Variants in CNTN1 observed in about 807,000 individuals in gnomAD.
The protein encoded by CNTN1 is contactin 1.
In CNTN1, 38 loss-of-function variants were observed where a neutral mutation model predicts 126.4. The ratio of observed to expected loss-of-function variants is 0.30; its 90% CI spans 0.23 to 0.39. The LOEUF (loss-of-function observed/expected upper bound fraction) is 0.39, where lower values mean the gene tolerates loss of function less well. Among genes scored for constraint, CNTN1 ranks in the 10% least tolerant of loss-of-function variants. The pLI is 1.00. For synonymous variants in CNTN1, 413 were observed against 422.6 expected (o/e 0.98, Z 0.28); for missense variants, 1,009 against 1,248.4 (o/e 0.81, Z 2.89).
chr12:40,813,652 C>T (rs1249829480), intron 1 of CNTN1, among the ~76,000 whole-genome samples: 1 of 152,186 alleles, frequency 6.6e-6, no homozygotes, highest in East Asian at 1.9e-4. Context: ...CTGCAATAAA[C>T]ATACATTTGC....
chr12:40,924,595 A>C lies in CNTN1; in HGVS notation c.439A>C (p.Arg147=), dbSNP rs1945569787. 1 of 1,608,304 alleles carries C rather than the reference A, an allele frequency of 6.2e-7. No homozygotes were observed. The highest frequency in any genetic ancestry group is 8.5e-7 in the Non-Finnish European group (1 of 1,175,248). The part of the protein sequence containing the change: ...PFPPEERPEV[R]VKEGKGMVLL... ...CCCACCTGAGGAACGTCCTGAGGTC[A>C]GAGTAAAAGAAGGGAAAGGAATGGT... is the stretch of plus-strand genomic sequence containing the variant. The change falls in exon 6 of 24, where the codon AGA becomes CGA. Residue 147 remains arginine (R), a synonymous_variant. Transcript: ENST00000551295.
chr12:41,069,543 G>T (rs943663110), intron 23 of CNTN1, among the ~76,000 whole-genome samples: 5 of 151,760 alleles, frequency 3.3e-5, no homozygotes, highest in African/African-American at 1.2e-4. Flanking sequence ...CCATTAACTC[G>T]TCATTTAGCA....
intron 1 of CNTN1, among the ~76,000 whole-genome samples, chr12:40,838,769 AG>A (rs1337859422): frequency 1.3e-5 from 2 of 152,184 alleles, no homozygotes; most frequent in Non-Finnish European, 2.9e-5. Flanking sequence ...CCTTAGGAAA[AG>A]TTCTCCCCTA....
chr12:41,064,635 T>C (rs1950011529), intron 23 of CNTN1, among the ~76,000 whole-genome samples: 1 of 152,104 alleles, frequency 6.6e-6, no homozygotes, highest in South Asian at 2.1e-4. Flanking sequence ...GGTGCCAGCA[T>C]GAAAATAGAG....
At chr12:40,916,638 G>T (rs1318306966) in intron 3 of CNTN1, among the ~76,000 whole-genome samples, 1 of 152,040 alleles carries the variant, frequency 6.6e-6, no homozygotes, top group Non-Finnish European at 1.5e-5. Flanking sequence ...CCTCAAGAAG[G>T]ATATGGAACT....
intron 1 of CNTN1, among the ~76,000 whole-genome samples, chr12:40,772,938 GT>G (rs1233420804): frequency 1.3e-5 from 2 of 151,870 alleles, no homozygotes; most frequent in African/African-American, 4.8e-5. Context: ...TCAAGCTCAG[GT>G]AAGTGGAAAA....
Position 41,007,867 on chromosome 12 carries a change from C to G in CNTN1, c.2114-6361C>G, listed in dbSNP as rs143598111. Among the ~76,000 whole-genome samples the G allele has an allele frequency of 6.2e-4, 95 of 152,308 alleles. 1 individual carries two copies. In the East Asian group the frequency reaches 0.017, roughly 27 times the overall value. On this transcript the variant is annotated intron_variant, in intron 17 of 23. Transcript: ENST00000551295. ...GCCAGCATTCACCCATGCAAGCTCC[C>G]AGCTTGCTTGTTTATGTCTGCAGCT... is the stretch of plus-strand genomic sequence containing the variant.
chr12:40,881,328 T>C (rs566357420), intron 1 of CNTN1, among the ~76,000 whole-genome samples: 5 of 151,972 alleles, frequency 3.3e-5, no homozygotes, highest in African/African-American at 1.2e-4. Flanking sequence ...ATACATAAAC[T>C]GGAATGGAAA....
chr12:40,914,502 A>C (rs1349478279), intron 3 of CNTN1, among the ~76,000 whole-genome samples: 1 of 152,170 alleles, frequency 6.6e-6, no homozygotes, highest in Non-Finnish European at 1.5e-5. Flanking sequence ...AAAATACATT[A>C]TGTGACTCAG....
chr12:40,964,514 C>T (rs1271498178), intron 15 of CNTN1, among the ~76,000 whole-genome samples: 1 of 127,808 alleles, frequency 7.8e-6, no homozygotes, highest in African/African-American at 3.1e-5. Flanking sequence ...GGTGAAAACA[C>T]CGTGTAAGTG....
chr12:40,936,537 C>T (rs1946086375), intron 9 of CNTN1, among the ~76,000 whole-genome samples: 1 of 152,002 alleles, frequency 6.6e-6, no homozygotes, highest in African/African-American at 2.4e-5. Context: ...CTCAGCTTTT[C>T]AACAAAACAT....
In CNTN1 at chr12:41,071,321, G is replaced by A. The variant is rs1336539814; in HGVS notation, c.*1286G>A. The A allele has an allele frequency of 2.0e-5, 3 of 152,140 alleles. No homozygotes were observed. Among genetic ancestry groups the A allele is most frequent in the Admixed American group, 6.6e-5 (1 of 15,264 alleles). The allele number at this position is 152,140 out of a possible 1,614,324, so 9.4% of individuals were successfully genotyped here. Reference sequence around the variant, plus strand: ...TGCACATTTCTTCATTCTCCATGGTGTGCATGGAAATGTGTTTGAGTGTGG... The same window carrying A: ...TGCACATTTCTTCATTCTCCATGGTATGCATGGAAATGTGTTTGAGTGTGG... On this transcript the variant is annotated 3_prime_UTR_variant, in exon 24 of 24. Transcript: ENST00000551295.
At chr12:40,864,059 T>C (rs1255222149) in intron 1 of CNTN1, among the ~76,000 whole-genome samples, 1 of 145,614 alleles carries the variant, frequency 6.9e-6, no homozygotes, top group African/African-American at 2.5e-5. Flanking sequence ...TTGCTCTTGT[T>C]GCCCAGGCTG....
At chr12:40,979,713 A>G (rs1308121539) in intron 15 of CNTN1, among the ~76,000 whole-genome samples, 1 of 152,034 alleles carries the variant, frequency 6.6e-6, no homozygotes, top group Non-Finnish European at 1.5e-5. Context: ...CACTTAAAGG[A>G]CATTTTTCTC....
intron 1 of CNTN1, among the ~76,000 whole-genome samples, chr12:40,843,253 T>A (rs1254429220): frequency 6.6e-6 from 1 of 152,140 alleles, no homozygotes; most frequent in Non-Finnish European, 1.5e-5. Flanking sequence ...CCAGTTCAGG[T>A]GATAAAGCAT....
chr12:40,754,214 T>C (rs1009382160), intron 1 of CNTN1, among the ~76,000 whole-genome samples: 82 of 152,122 alleles, frequency 5.4e-4, no homozygotes, highest in African/African-American at 1.9e-3. Flanking sequence ...TACATTATTA[T>C]ATATTGGCAA....
intron 1 of CNTN1, among the ~76,000 whole-genome samples, chr12:40,696,217 C>T (rs574898325): frequency 6.6e-6 from 1 of 152,312 alleles, no homozygotes; most frequent in African/African-American, 2.4e-5. Context: ...TTTTCCCCAT[C>T]AATAGGCATC....
chr12:41,027,431 C>T (rs1192360175), intron 21 of CNTN1, among the ~76,000 whole-genome samples: 1 of 152,008 alleles, frequency 6.6e-6, no homozygotes, highest in Admixed American at 6.6e-5. Flanking sequence ...AAGGAAAACC[C>T]AGTTGTTAAG....
intron 1 of CNTN1, among the ~76,000 whole-genome samples, chr12:40,797,626 C>T (rs1206941394): frequency 1.3e-5 from 2 of 152,008 alleles, no homozygotes; most frequent in Admixed American, 6.6e-5. Context: ...ATAATGATGA[C>T]ACTGACATTG....
Sources: allele counts gnomAD v4.1 joint callset (sites outside exome capture counted in the v4.1 genomes callset), GRCh38; gene constraint gnomAD v4.1.1; transcripts MANE v1.5; gene names NCBI Gene and HGNC (gene_info 2026-07-23, HGNC 2026-07-21).